Variants in ATAD2 observed in about 807,000 individuals in gnomAD.
The protein encoded by ATAD2 is ATPase family AAA domain-containing protein 2.
Under a neutral mutation model 168.9 loss-of-function variants are expected in ATAD2, and 62 were observed. The ratio of observed to expected loss-of-function variants is 0.37; its 90% CI spans 0.30 to 0.45. ATAD2 has a LOEUF of 0.45. Among genes scored for constraint, ATAD2 ranks in the 20% least tolerant of loss-of-function variants. ATAD2 has a pLI of 1.00. For synonymous variants in ATAD2, 613 were observed against 571.6 expected (o/e 1.07, Z -1.03); for missense variants, 1,419 against 1,667.8 (o/e 0.85, Z 2.60).
chr8:123,376,517 G>A (rs1829321275), intron 2 of ATAD2, among the ~76,000 whole-genome samples: 1 of 151,910 alleles, frequency 6.6e-6, no homozygotes, highest in Non-Finnish European at 1.5e-5. Context: ...AGCCAAGACT[G>A]AACTCCAGTC....
chr8:123,339,837 A>G (rs1194229388), intron 19 of ATAD2, among the ~76,000 whole-genome samples: 1 of 152,194 alleles, frequency 6.6e-6, no homozygotes, highest in Admixed American at 6.5e-5. Context: ...TGAGAACTCA[A>G]GAACCCAAAC....
intron 1 of ATAD2, among the ~76,000 whole-genome samples, chr8:123,414,981 G>A (rs1339002513): frequency 6.6e-6 from 1 of 151,988 alleles, no homozygotes; most frequent in Non-Finnish European, 1.5e-5. Flanking sequence ...TTTTTAAATT[G>A]TATTTTTGTT....
At chr8:123,321,795 T>C (rs555298290) in intron 27 of ATAD2, among the ~76,000 whole-genome samples, 2 of 152,064 alleles carry the variant, frequency 1.3e-5, no homozygotes, top group Admixed American at 6.5e-5. Flanking sequence ...ATTAGCCCAG[T>C]GTGGTGGTGC....
chr8:123,375,355 C>T (rs1012783176), intron 2 of ATAD2, among the ~76,000 whole-genome samples: 4 of 152,210 alleles, frequency 2.6e-5, no homozygotes, highest in East Asian at 1.9e-4. Context: ...GTTAAAATGG[C>T]GAACACCAAA....
At chr8:123,389,107 C>G (rs908363418) in intron 1 of ATAD2, among the ~76,000 whole-genome samples, 1 of 149,500 alleles carries the variant, frequency 6.7e-6, no homozygotes, top group Non-Finnish European at 1.5e-5. Context: ...GCTGGGATTA[C>G]AGGAGCCTGC....
intron 2 of ATAD2, among the ~76,000 whole-genome samples, chr8:123,375,169 C>T (rs927930300): frequency 3.3e-5 from 5 of 152,090 alleles, no homozygotes; most frequent in Admixed American, 2.0e-4. Context: ...GTTACCATTA[C>T]GTAAAATAAT....
chr8:123,396,520 C>G, upstream of ATAD2: 1 of 703,236 alleles, frequency 1.4e-6, no homozygotes, highest in South Asian at 1.9e-5. Flanking sequence ...CCCGCCCACG[C>G]CACCACCGTA....
chr8:123,325,078 TA>T (rs1052653735), intron 26 of ATAD2, among the ~76,000 whole-genome samples: 18 of 149,460 alleles, frequency 1.2e-4, no homozygotes, highest in Non-Finnish European at 2.5e-4. Flanking sequence ...TATTTTATAT[TA>T]AAAAATAATA....
At chr8:123,369,230 A>G in intron 7 of ATAD2, 55 bp from the exon 8 acceptor site, 1 of 679,114 alleles carries the variant, frequency 1.5e-6, no homozygotes. Flanking sequence ...TATGGCATAC[A>G]AATATGTATG....
At chr8:123,328,763 CA>C (rs1827685675) in intron 24 of ATAD2, among the ~76,000 whole-genome samples, 184 bp from the exon 25 acceptor site, 1 of 150,780 alleles carries the variant, frequency 6.6e-6, no homozygotes, top group South Asian at 2.1e-4. Context: ...AGGCCCAGAC[CA>C]TAAAATGGTA....
At chr8:123,377,400 C>G (rs182668755) in intron 2 of ATAD2, among the ~76,000 whole-genome samples, 1 of 152,054 alleles carries the variant, frequency 6.6e-6, no homozygotes, top group Non-Finnish European at 1.5e-5. Context: ...TCCCTTAAGA[C>G]CTTTCTAACA....
At chr8:123,322,877 T>C (rs1310978626) in intron 27 of ATAD2, 61 bp downstream of exon 27, 4 of 1,519,374 alleles carry the variant, frequency 2.6e-6, no homozygotes, top group Non-Finnish European at 2.7e-6. Flanking sequence ...CAATCCTACA[T>C]AAGTGATATA....
chr8:123,348,688 CA>C (rs928433614), intron 14 of ATAD2, among the ~76,000 whole-genome samples: 20 of 151,628 alleles, frequency 1.3e-4, no homozygotes, highest in Admixed American at 6.6e-5. Context: ...AACAACCAAC[CA>C]AAAAAACTCA....
rs1232872781 is a variant in ATAD2 at position 123,363,313 on chromosome 8, CAT to C, written c.1050-1669_1050-1668del. 2.6e-5 allele frequency among the ~76,000 whole-genome samples: 4 copies of C among 152,272 alleles called. 1 individual carries two copies. Among genetic ancestry groups the C allele is most frequent in the East Asian group, 1.9e-4 (1 of 5,182 alleles). On this transcript the variant is annotated intron_variant, in intron 8 of 27. Coordinates refer to ENST00000287394, the MANE Select transcript of ATAD2 (RefSeq NM_014109.4). ...TTTTGTCCCACTTACTATGATTATT[CAT>C]ATGTTTTACTACAGAATTATTAATT...
intron 26 of ATAD2, 111 bp from the exon 27 acceptor site, chr8:123,323,177 G>A (rs1827521560): frequency 7.0e-6 from 8 of 1,147,142 alleles, no homozygotes; most frequent in Admixed American, 2.9e-5. Context: ...GGTAGACCAA[G>A]CCATCTGATG....
chr8:123,414,073 C>A (rs1430621434), intron 1 of ATAD2, among the ~76,000 whole-genome samples: 2 of 101,858 alleles, frequency 2.0e-5, no homozygotes, highest in Non-Finnish European at 3.5e-5. Flanking sequence ...GCCTGGGCGA[C>A]AGAGTGAGAC....
At chr8:123,344,691 T>A (rs1352618507) in intron 19 of ATAD2, 193 bp downstream of exon 19, 1 of 594,696 alleles carries the variant, frequency 1.7e-6, no homozygotes, top group Non-Finnish European at 2.9e-6. Context: ...ATCCTTAATA[T>A]ATACATACAC....
chr8:123,371,213 C>T, intron 5 of ATAD2, 23 bp downstream of exon 5: 1 of 1,539,898 alleles, frequency 6.5e-7, no homozygotes, highest in South Asian at 1.2e-5. Flanking sequence ...TAAATCATTC[C>T]CTTAATGGAA....
chr8:123,412,153 TG>T (rs1330072226), intron 1 of ATAD2, among the ~76,000 whole-genome samples: 1 of 152,208 alleles, frequency 6.6e-6, no homozygotes, highest in Non-Finnish European at 1.5e-5. Flanking sequence ...ACTCTAGATA[TG>T]GCCCCCAATA....
Sources: allele counts gnomAD v4.1 joint callset (sites outside exome capture counted in the v4.1 genomes callset), GRCh38; gene constraint gnomAD v4.1.1; transcripts MANE v1.5; gene names NCBI Gene and HGNC (gene_info 2026-07-23, HGNC 2026-07-21).